ARID4B: variants seen among roughly 807,000 people sequenced by gnomAD.
ARID4B encodes AT-rich interaction domain 4B, also known as AT-rich interactive domain-containing protein 4B.
ARID4B carries 26 observed loss-of-function variants against 147.5 expected under a neutral mutation model. The observed-to-expected ratio is 0.18, with a 90% CI of 0.13 to 0.24. ARID4B has a LOEUF of 0.24. Among genes scored for constraint, ARID4B ranks in the 10% least tolerant of loss-of-function variants. The pLI, the probability that ARID4B is intolerant of heterozygous loss-of-function variation, is 1.00. For missense variants in ARID4B, 1,179 were observed against 1,511.5 expected, an observed-to-expected ratio of 0.78 and a Z score of 3.65; for synonymous variants, 512 against 507.9, an observed-to-expected ratio of 1.01 and a Z score of -0.11.
At chr1:235,196,711 G>C (rs1489121664) in intron 17 of ARID4B, among the ~76,000 whole-genome samples, 1 of 152,032 alleles carries the variant, frequency 6.6e-6, no homozygotes, top group Non-Finnish European at 1.5e-5. Context: ...AAATTAGCCA[G>C]ACGTGGTGGT....
chr1:235,297,014 A>G (rs1217138888), intron 2 of ARID4B, among the ~76,000 whole-genome samples: 1 of 152,036 alleles, frequency 6.6e-6, no homozygotes, highest in East Asian at 1.9e-4. Flanking sequence ...CTTTTTATAT[A>G]TATATTTGAT....
At chr1:235,270,838 T>C (rs999979446) in intron 2 of ARID4B, among the ~76,000 whole-genome samples, 2 of 138,464 alleles carry the variant, frequency 1.4e-5, no homozygotes, top group Non-Finnish European at 3.2e-5. Context: ...GAACATAAAC[T>C]TTCATGATCT....
chr1:235,242,192 G>A (rs987798369), intron 7 of ARID4B, among the ~76,000 whole-genome samples: 3 of 151,228 alleles, frequency 2.0e-5, no homozygotes, highest in Non-Finnish European at 2.9e-5. Flanking sequence ...AGGTTGCAGT[G>A]AGCCGATATC....
chr1:235,234,351 T>C, intron 9 of ARID4B, 62 bp downstream of exon 9: 5 of 1,042,780 alleles, frequency 4.8e-6, no homozygotes, highest in Non-Finnish European at 5.8e-6. Context: ...TTTAACATCC[T>C]AATTCAAAAT....
chr1:235,299,594 G>C (rs531910377), intron 2 of ARID4B, among the ~76,000 whole-genome samples: 4 of 152,228 alleles, frequency 2.6e-5, no homozygotes, highest in Admixed American at 6.5e-5. Context: ...TAATACATCA[G>C]AGAGTTATTT....
intron 21 of ARID4B, among the ~76,000 whole-genome samples, chr1:235,176,384 G>A (rs1411257588): frequency 8.4e-6 from 1 of 119,264 alleles, no homozygotes; most frequent in Non-Finnish European, 1.6e-5. Context: ...CCAAACAATT[G>A]ATGACTGACT....
At chr1:235,278,088 G>T (rs1189828307) in intron 2 of ARID4B, among the ~76,000 whole-genome samples, 1 of 152,052 alleles carries the variant, frequency 6.6e-6, no homozygotes, top group Non-Finnish European at 1.5e-5. Context: ...CTACATACAG[G>T]GGTATGTAAC....
chr1:235,227,830 A>ATTTTTTTT (rs1166758894), intron 11 of ARID4B, among the ~76,000 whole-genome samples: 1 of 125,320 alleles, frequency 8.0e-6, no homozygotes. Flanking sequence ...CTTTTCTGCT[A>ATTTTTTTT]TTTTTTTTTT....
Position 235,263,902 on chromosome 1 carries a change from G to A in ARID4B, c.7-3150C>T, listed in dbSNP as rs1670440881. On this transcript the variant is annotated intron_variant, in intron 2 of 23. Coordinates refer to ENST00000264183, the MANE Select transcript of ARID4B (RefSeq NM_016374.6). The stretch of plus-strand genomic sequence containing the variant: ...CTAGCTACTCAGGAGGCTGAGGCAG[G>A]AGAATGGCGTGAACCTGGGAGGCGG... Among the ~76,000 whole-genome samples, 3 of 152,032 alleles carry A rather than the reference G, an allele frequency of 2.0e-5. No individual in the cohort carries two copies. The South Asian group carries it at 6.2e-4, about 32-fold the overall frequency.
intron 12 of ARID4B, 115 bp downstream of exon 12, chr1:235,224,587 GA>G: frequency 1.4e-6 from 1 of 715,912 alleles, no homozygotes; most frequent in Non-Finnish European, 2.4e-6. Context: ...GAGTCAAAAA[GA>G]CAGCCATAAT....
At chr1:235,274,181 T>C (rs1171659601) in intron 2 of ARID4B, among the ~76,000 whole-genome samples, 1 of 151,658 alleles carries the variant, frequency 6.6e-6, no homozygotes, top group Non-Finnish European at 1.5e-5. Flanking sequence ...AAGACCACTC[T>C]GGGCAACATG....
chr1:235,238,986 CTTT>C (rs5781822), intron 8 of ARID4B, among the ~76,000 whole-genome samples: 6 of 139,362 alleles, frequency 4.3e-5, no homozygotes, highest in Admixed American at 1.4e-4. Flanking sequence ...TTTTTTTCTT[CTTT>C]TTTTTTTTTT....
chr1:235,188,968 G>GA (rs1293582934), intron 19 of ARID4B, among the ~76,000 whole-genome samples: 2 of 152,008 alleles, frequency 1.3e-5, no homozygotes, highest in Non-Finnish European at 2.9e-5. Flanking sequence ...AGAGGTAACT[G>GA]AAAAAACCAA....
intron 19 of ARID4B, among the ~76,000 whole-genome samples, chr1:235,191,224 C>G (rs1665081230): frequency 6.6e-6 from 1 of 151,222 alleles, no homozygotes. Flanking sequence ...ACATAACATC[C>G]ACTGCGAATG....
intron 11 of ARID4B, chr1:235,228,715 G>C (rs140492517): frequency 0.13 from 19,394 of 144,464 alleles, 1,467 homozygotes; most frequent in African/African-American, 0.2. Context: ...GCGCGATCTT[G>C]GCTCACTGCA....
intron 2 of ARID4B, among the ~76,000 whole-genome samples, chr1:235,292,334 C>T (rs1386667459): frequency 6.6e-6 from 1 of 152,150 alleles, no homozygotes; most frequent in Non-Finnish European, 1.5e-5. Flanking sequence ...CAAGTTTTGG[C>T]TGGGTGCAGT....
chr1:235,208,717 GCTGGTCTCGAA>G lies in ARID4B; in HGVS notation c.1841+5041_1841+5051del, dbSNP rs1360356846. ...GATGGGGTTTCTTCATGTTGGTCAG[GCTGGTCTCGAA>G]CTGGTCTCGAACTCCCAACCTCAGG... is the stretch of plus-strand genomic sequence containing the variant. On this transcript the variant is annotated intron_variant, in intron 17 of 23. Transcript: ENST00000264183. Among the ~76,000 whole-genome samples, 200 of 151,970 alleles carry G rather than the reference GCTGGTCTCGAA, an allele frequency of 1.3e-3. 1 individual carries two copies. The highest frequency in any genetic ancestry group is 4.6e-3 in the African/African-American group (190 of 41,472).
At chr1:235,281,602 G>C (rs1671677698) in intron 2 of ARID4B, among the ~76,000 whole-genome samples, 1 of 152,008 alleles carries the variant, frequency 6.6e-6, no homozygotes, top group Non-Finnish European at 1.5e-5. Flanking sequence ...GCTACTCGTG[G>C]TGGAGGCTGA....
chr1:235,246,219 C>A (rs909567611), intron 7 of ARID4B, among the ~76,000 whole-genome samples: 9 of 152,126 alleles, frequency 5.9e-5, no homozygotes, highest in Non-Finnish European at 1.5e-5. Flanking sequence ...AAATTGAAGG[C>A]AGATACAGCT....
Sources: gnomAD v4.1 joint callset for allele counts (sites outside exome capture counted in the v4.1 genomes callset) on GRCh38, gnomAD v4.1.1 for gene constraint, MANE v1.5 for transcripts, NCBI Gene and HGNC (gene_info 2026-07-23, HGNC 2026-07-21) for gene names.